Variants in TNNI3K observed in about 807,000 individuals in gnomAD.
TNNI3K encodes serine/threonine-protein kinase TNNI3K.
Under a neutral mutation model 114.5 loss-of-function variants are expected in TNNI3K, and 140 were observed. The observed-to-expected ratio is 1.22, with a 90% CI of 1.07 to 1.41. The LOEUF is 1.41. Among genes scored for constraint, TNNI3K ranks in the 40% most tolerant of loss-of-function variants. The pLI is 0.00. For missense variants in TNNI3K, 1,125 were observed against 1,007.6 expected (o/e 1.12, Z -1.58); for synonymous variants, 347 against 347.5 (o/e 1.00, Z 0.02).
At chr1:74,504,682 T>C (rs1275671745) in intron 23 of TNNI3K, among the ~76,000 whole-genome samples, 3 of 152,054 alleles carry the variant, frequency 2.0e-5, no homozygotes, top group Non-Finnish European at 4.4e-5. Flanking sequence ...ACATAAAAGA[T>C]TTGCATGAAA....
chr1:74,406,904 A>C (rs1378449544), intron 17 of TNNI3K, among the ~76,000 whole-genome samples: 1 of 152,180 alleles, frequency 6.6e-6, no homozygotes, highest in African/African-American at 2.4e-5. Flanking sequence ...ACATCAAGCA[A>C]ATGATTTAAA....
rs200736874 is a variant in TNNI3K, at chr1:74,353,253, T to G, written c.933-13T>G. On this transcript the variant is annotated splice_polypyrimidine_tract_variant and intron_variant, in intron 9 of 24. Transcript: ENST00000326637. ...ACCTTCTATCTTTCTTGTTTTATGGTTTTTTTTTTCAGTGCTTGTACCTAT... is the reference window on the plus strand; with the variant it reads ...ACCTTCTATCTTTCTTGTTTTATGGGTTTTTTTTTCAGTGCTTGTACCTAT... 47 of 1,518,398 alleles carry G rather than the reference T, an allele frequency of 3.1e-5. No individual in the cohort carries two copies. Among genetic ancestry groups the G allele is most frequent in the African/African-American group, 1.4e-4 (10 of 70,940 alleles). 94.1% of individuals were successfully genotyped at this position (1,518,398 alleles called of 1,614,324 possible).
chr1:74,306,928 A>G (rs1405158911), intron 5 of TNNI3K, among the ~76,000 whole-genome samples: 1 of 152,122 alleles, frequency 6.6e-6, no homozygotes, highest in Non-Finnish European at 1.5e-5. Context: ...ATCATAAATT[A>G]TTTGCCTAGG....
chr1:74,314,502 C>A (rs1659190023), intron 5 of TNNI3K, among the ~76,000 whole-genome samples: 1 of 151,864 alleles, frequency 6.6e-6, no homozygotes, highest in South Asian at 2.1e-4. Flanking sequence ...ATTTTCAGAT[C>A]TCAATGAAAA....
chr1:74,331,480 A>G lies in TNNI3K; in HGVS notation c.475A>G (p.Asn159Asp). 6.2e-7 allele frequency: 1 copy of G among 1,613,774 alleles called. No individual in the cohort carries two copies. Among genetic ancestry groups the G allele is most frequent in the Non-Finnish European group, 8.5e-7 (1 of 1,179,886 alleles). The change falls in exon 6 of 25, where the codon AAT (asparagine) becomes GAT (aspartate). Residue 159 changes from asparagine (N) to aspartate (D), a missense_variant. Transcript: ENST00000326637. ...TGATGTGCTGTTGCAACATGGAGCT[A>G]ATGTCAATATTCAAGATGCAGTTTT... ...AADVLLQHGANVNIQDAVFFT... is the reference protein window; with the variant it reads ...AADVLLQHGADVNIQDAVFFT...
At chr1:74,524,173 G>A (rs558218087) in intron 23 of TNNI3K, among the ~76,000 whole-genome samples, 1 of 152,342 alleles carries the variant, frequency 6.6e-6, no homozygotes, top group African/African-American at 2.4e-5. Context: ...TTTGTGAAAA[G>A]TCTTTAAAAC....
intron 2 of TNNI3K, among the ~76,000 whole-genome samples, chr1:74,246,467 G>A (rs1325218490): frequency 6.6e-6 from 1 of 152,202 alleles, no homozygotes; most frequent in Non-Finnish European, 1.5e-5. Flanking sequence ...AATGAAAACT[G>A]TGACTGGAAA....
At chr1:74,388,108 T>C (rs1203217025) in intron 17 of TNNI3K, among the ~76,000 whole-genome samples, 1 of 151,966 alleles carries the variant, frequency 6.6e-6, no homozygotes, top group Non-Finnish European at 1.5e-5. Context: ...CGAAACCCCA[T>C]CTCTACTAGA....
chr1:74,334,243 C>T (rs1660354839), intron 6 of TNNI3K, among the ~76,000 whole-genome samples: 1 of 152,166 alleles, frequency 6.6e-6, no homozygotes, highest in Non-Finnish European at 1.5e-5. Flanking sequence ...GTCTATTGTA[C>T]TCAATAGGAA....
chr1:74,469,818 T>G, intron 21 of TNNI3K: 1 of 399,722 alleles, frequency 2.5e-6, no homozygotes, highest in Non-Finnish European at 4.4e-6. Flanking sequence ...TAGTGGGTGT[T>G]TGTCCTCTTG....
At chr1:74,542,845 C>T (rs1337746703) in intron 24 of TNNI3K, among the ~76,000 whole-genome samples, 1 of 152,156 alleles carries the variant, frequency 6.6e-6, no homozygotes, top group Non-Finnish European at 1.5e-5. Context: ...GTACATAGCT[C>T]TGTGGTTCTC....
chr1:74,415,943 A>G lies in TNNI3K; in HGVS notation c.1773-20137A>G, dbSNP rs553124282. ...CCTTCCAGAAAGGAATATGCTTTAGATAATTGTCATGAGGAGTTTTGTGGA... is the reference window on the plus strand; with the variant it reads ...CCTTCCAGAAAGGAATATGCTTTAGGTAATTGTCATGAGGAGTTTTGTGGA... On this transcript the variant is annotated intron_variant, in intron 17 of 24. Coordinates refer to ENST00000326637, the MANE Select transcript of TNNI3K (RefSeq NM_015978.3). Among the ~76,000 whole-genome samples, 14 of 152,274 alleles carry G rather than the reference A, an allele frequency of 9.2e-5. No homozygotes were observed. The East Asian group carries it at 2.5e-3, about 27-fold the overall frequency.
At chr1:74,489,083 A>G (rs1470816779) in intron 21 of TNNI3K, 106 bp from the exon 22 acceptor site, 1 of 861,588 alleles carries the variant, frequency 1.2e-6, no homozygotes, top group African/African-American at 1.7e-5. Flanking sequence ...AATATACTTT[A>G]TTGTTAATCT....
At chr1:74,539,229 A>AT (rs1046316674) in intron 23 of TNNI3K, among the ~76,000 whole-genome samples, 5 of 152,134 alleles carry the variant, frequency 3.3e-5, no homozygotes, top group African/African-American at 9.7e-5. Context: ...GAAAGAAGCT[A>AT]TTACCAAGGA....
chr1:74,402,898 A>G (rs1664442072), intron 17 of TNNI3K, among the ~76,000 whole-genome samples: 1 of 152,096 alleles, frequency 6.6e-6, no homozygotes, highest in Non-Finnish European at 1.5e-5. Context: ...ATCAGCTATC[A>G]TTAGTGTTAG....
At chr1:74,342,802 A>C in intron 7 of TNNI3K, 40 bp from the exon 8 acceptor site, 1 of 1,610,836 alleles carries the variant, frequency 6.2e-7, no homozygotes, top group Non-Finnish European at 8.5e-7. Flanking sequence ...GAAACAAACA[A>C]TTCTAGATAA....
At chr1:74,467,350 A>G (rs949591581) in intron 21 of TNNI3K, among the ~76,000 whole-genome samples, 3 of 152,084 alleles carry the variant, frequency 2.0e-5, no homozygotes. Flanking sequence ...TTTTTCTTGC[A>G]TATCTGTCTT....
chr1:74,330,418 A>G (rs1472811248), intron 5 of TNNI3K, among the ~76,000 whole-genome samples: 4 of 152,036 alleles, frequency 2.6e-5, no homozygotes, highest in Admixed American at 6.6e-5. Flanking sequence ...ACTAACTTTT[A>G]TTTTCCATTA....
intron 17 of TNNI3K, among the ~76,000 whole-genome samples, chr1:74,389,970 G>A (rs899188181): frequency 6.6e-6 from 1 of 152,130 alleles, no homozygotes; most frequent in African/African-American, 2.4e-5. Context: ...GATGTCAAAA[G>A]TATCAGTTAC....
Sources: gnomAD v4.1 joint callset for allele counts (sites outside exome capture counted in the v4.1 genomes callset) on GRCh38, gnomAD v4.1.1 for gene constraint, MANE v1.5 for transcripts, NCBI Gene and HGNC (gene_info 2026-07-23, HGNC 2026-07-21) for gene names.